MACROD2: variants seen among roughly 807,000 people sequenced by gnomAD.
MACROD2 encodes ADP-ribose glycohydrolase MACROD2.
A neutral mutation model predicts 70.4 loss-of-function variants in MACROD2; 36 were observed. The observed-to-expected ratio is 0.51, with a 90% CI of 0.39 to 0.68. MACROD2 has a LOEUF of 0.68. Ranked by LOEUF, MACROD2 falls within the 30% of genes least tolerant of loss-of-function variation. MACROD2 has a pLI of 0.00. For missense variants in MACROD2, 496 were observed against 538.4 expected, an observed-to-expected ratio of 0.92 and a Z score of 0.78; for synonymous variants, 172 against 178.8, an observed-to-expected ratio of 0.96 and a Z score of 0.30.
chr20:14,540,255 A>C (rs555763926), intron 4 of MACROD2, among the ~76,000 whole-genome samples: 1 of 152,274 alleles, frequency 6.6e-6, no homozygotes, highest in East Asian at 1.9e-4. Context: ...GACCTCAGTT[A>C]CGTTTACTTC....
chr20:14,075,931 G>C (rs1448690126), intron 2 of MACROD2, among the ~76,000 whole-genome samples: 1 of 152,076 alleles, frequency 6.6e-6, no homozygotes, highest in South Asian at 2.1e-4. Flanking sequence ...CTAAAATTTG[G>C]TCCACAGCCT....
At chr20:15,574,494 C>A (rs2048418138) in intron 8 of MACROD2, among the ~76,000 whole-genome samples, 1 of 152,064 alleles carries the variant, frequency 6.6e-6, no homozygotes, top group Non-Finnish European at 1.5e-5. Flanking sequence ...TAGACAAGCA[C>A]TAATGGTGTT....
Position 14,844,161 on chromosome 20 carries a change from G to A in MACROD2, c.418+159202G>A, listed in dbSNP as rs188129563. 7.2e-5 allele frequency among the ~76,000 whole-genome samples: 11 copies of A among 151,948 alleles called. 1 individual carries two copies. Among genetic ancestry groups the A allele is most frequent in the African/African-American group, 2.2e-4 (9 of 41,372 alleles). On this transcript the variant is annotated intron_variant, in intron 5 of 17. Transcript: ENST00000684519. ...ATATCTCTCCTGCCATGGCCTGAGG[G>A]TCTCAACATTCCATATTCTCTTCAT...
intron 6 of MACROD2, among the ~76,000 whole-genome samples, chr20:15,332,356 C>G (rs530062162): frequency 6.6e-6 from 1 of 151,574 alleles, no homozygotes; most frequent in South Asian, 2.1e-4. Flanking sequence ...ATACTTCATA[C>G]GCTTAGGAGG....
intron 5 of MACROD2, among the ~76,000 whole-genome samples, chr20:15,016,592 C>CACGGG (rs2075123214): frequency 6.6e-6 from 1 of 152,128 alleles, no homozygotes; most frequent in Non-Finnish European, 1.5e-5. Context: ...AAGAGCCTGG[C>CACGGG]ACGTCCCCCC....
chr20:16,038,082 A>T lies in MACROD2; in HGVS notation c.1154-3119A>T, dbSNP rs115515727. Among the ~76,000 whole-genome samples, 548 of 151,852 alleles carry T rather than the reference A, an allele frequency of 3.6e-3. 1 individual carries two copies. The highest frequency in any genetic ancestry group is 0.013 in the African/African-American group (520 of 41,468). ...AACACTTCAAAGATGTCATTGCATC[A>T]TCTCTGGCTTCCATTATTTTTGTTA... On this transcript the variant is annotated intron_variant, in intron 15 of 17. Coordinates refer to ENST00000684519, the MANE Select transcript of MACROD2 (RefSeq NM_001351661.2).
At chr20:15,387,220 AGT>A (rs2045725714) in intron 6 of MACROD2, among the ~76,000 whole-genome samples, 1 of 152,186 alleles carries the variant, frequency 6.6e-6, no homozygotes, top group Non-Finnish European at 1.5e-5. Flanking sequence ...TGAGGTGAGA[AGT>A]TAATGTTAGC....
rs187596213 is a variant in MACROD2 at position 14,794,808 on chromosome 20, C to T, written c.418+109849C>T. Among the ~76,000 whole-genome samples the T allele has an allele frequency of 1.5e-3, 229 of 152,088 alleles. 2 individuals are homozygous for T. The highest frequency in any genetic ancestry group is 5.1e-3 in the African/African-American group (213 of 41,432). On this transcript the variant is annotated intron_variant, in intron 5 of 17. Transcript: ENST00000684519. ...CCAAGGTCTCAGCATGCAGGGAGCA[C>T]ATATTCTAGTGGAGACAAGTAGAAA...
intron 2 of MACROD2, among the ~76,000 whole-genome samples, chr20:14,006,223 A>G (rs955453783): frequency 6.6e-6 from 1 of 152,162 alleles, no homozygotes; most frequent in Non-Finnish European, 1.5e-5. Context: ...ATACCTTACA[A>G]TGTTTGCACA....
At chr20:14,734,162 A>G (rs2071630121) in intron 5 of MACROD2, among the ~76,000 whole-genome samples, 1 of 152,024 alleles carries the variant, frequency 6.6e-6, no homozygotes, top group Non-Finnish European at 1.5e-5. Flanking sequence ...TTTTCAGCCA[A>G]GACCTCACTC....
At position 14,791,528 on chromosome 20, in the gene MACROD2, T is replaced by A. The variant is rs1387125042; in HGVS notation, c.418+106569T>A. Among the ~76,000 whole-genome samples, 4 of 152,078 alleles carry A rather than the reference T, an allele frequency of 2.6e-5. No homozygotes were observed. In the South Asian group the frequency reaches 6.2e-4, roughly 24 times the overall value. On this transcript the variant is annotated intron_variant, in intron 5 of 17. Coordinates refer to ENST00000684519, the MANE Select transcript of MACROD2 (RefSeq NM_001351661.2). Reference sequence around the variant, plus strand: ...CATGGCCTTTTCTGGATATATATATTTTTTTCTCTGGGCCTAATTTTCTTC... The same window carrying A: ...CATGGCCTTTTCTGGATATATATATATTTTTCTCTGGGCCTAATTTTCTTC...
chr20:14,954,979 A>ATAT, intron 5 of MACROD2, among the ~76,000 whole-genome samples: 5 of 2,162 alleles, frequency 2.3e-3, no homozygotes, highest in Admixed American at 8.5e-3. Context: ...TTATATAATT[A>ATAT]AATATATTAA....
At position 15,384,289 on chromosome 20, in the gene MACROD2, A is replaced by T. The variant is rs373228631; in HGVS notation, c.541-47116A>T. The stretch of plus-strand genomic sequence containing the variant: ...TTATCCCTTTTTGAGACAGAGTCTC[A>T]CTCTGTCACCCAAGCTTGAGTGCAG... On this transcript the variant is annotated intron_variant, in intron 6 of 17. Coordinates refer to ENST00000684519, the MANE Select transcript of MACROD2 (RefSeq NM_001351661.2). Among the ~76,000 whole-genome samples, 4 of 148,398 alleles carry T rather than the reference A, an allele frequency of 2.7e-5. 1 individual carries two copies. Among genetic ancestry groups the T allele is most frequent in the Admixed American group, 2.0e-4 (3 of 15,082 alleles).
At chr20:15,799,939 TC>T (rs1364397556) in intron 8 of MACROD2, among the ~76,000 whole-genome samples, 1 of 152,260 alleles carries the variant, frequency 6.6e-6, no homozygotes, top group Non-Finnish European at 1.5e-5. Flanking sequence ...CACTTTTTTT[TC>T]TTTTTCTTTT....
At chr20:14,006,420 A>G (rs2052822010) in intron 2 of MACROD2, among the ~76,000 whole-genome samples, 1 of 152,136 alleles carries the variant, frequency 6.6e-6, no homozygotes, top group Non-Finnish European at 1.5e-5. Flanking sequence ...TGTCATATAA[A>G]TTTTATCTAT....
At chr20:13,996,577 TAAG>T (rs2052660382) in intron 1 of MACROD2, 1 of 152,212 alleles carries the variant, frequency 6.6e-6, no homozygotes, top group South Asian at 2.1e-4. Context: ...TTTGTGCGTA[TAAG>T]GTTTATCTAA....
At chr20:15,877,107 C>T (rs1336781394) in intron 9 of MACROD2, among the ~76,000 whole-genome samples, 4 of 152,132 alleles carry the variant, frequency 2.6e-5, no homozygotes, top group Non-Finnish European at 4.4e-5. Context: ...GGACTGGGCA[C>T]TCTTTATCCT....
intron 10 of MACROD2, among the ~76,000 whole-genome samples, chr20:15,928,333 G>A (rs2065522590): frequency 6.6e-6 from 1 of 152,318 alleles, no homozygotes; most frequent in Admixed American, 6.5e-5. Context: ...TAGAGTTGTA[G>A]CACTGCACTC....
At chr20:14,182,927 C>T (rs761888376) in intron 3 of MACROD2, among the ~76,000 whole-genome samples, 2 of 151,472 alleles carry the variant, frequency 1.3e-5, no homozygotes, top group Non-Finnish European at 2.9e-5. Context: ...ATCAGCTAAC[C>T]CTTTCATACC....
Sources: gnomAD v4.1 joint callset for allele counts (sites outside exome capture counted in the v4.1 genomes callset) on GRCh38, gnomAD v4.1.1 for gene constraint, MANE v1.5 for transcripts, NCBI Gene and HGNC (gene_info 2026-07-23, HGNC 2026-07-21) for gene names.